Variants in ZBTB20 observed in about 807,000 individuals in gnomAD.
ZBTB20 encodes zinc finger and BTB domain containing 20.
A neutral mutation model predicts 56.9 loss-of-function variants in ZBTB20; 9 were observed. The ratio of observed to expected loss-of-function variants is 0.16; its 90% CI spans 0.10 to 0.28. The LOEUF (loss-of-function observed/expected upper bound fraction) is 0.28. ZBTB20 is among the 10% of genes least tolerant of loss of function. ZBTB20 has a pLI of 1.00. For synonymous variants in ZBTB20, 417 were observed against 420.7 expected (o/e 0.99, Z 0.11); for missense variants, 655 against 1,003.0 (o/e 0.65, Z 4.69).
chr3:114,953,560 T>C (rs2077146318), intron 3 of ZBTB20, among the ~76,000 whole-genome samples: 1 of 152,044 alleles, frequency 6.6e-6, no homozygotes, highest in African/African-American at 2.4e-5. Flanking sequence ...CTGGAATGGC[T>C]ATATTAATAT....
chr3:114,469,226 G>A (rs1411813433), intron 7 of ZBTB20, among the ~76,000 whole-genome samples: 2 of 152,098 alleles, frequency 1.3e-5, no homozygotes, highest in Admixed American at 6.6e-5. Flanking sequence ...TTTCTAGGTA[G>A]AGAGTTAAGC....
chr3:114,405,634 T>A (rs1455937217), intron 7 of ZBTB20, among the ~76,000 whole-genome samples: 1 of 152,182 alleles, frequency 6.6e-6, no homozygotes, highest in East Asian at 1.9e-4. Flanking sequence ...GCAACCTCAC[T>A]CATGGTATTC....
chr3:114,726,091 G>A (rs778590502), intron 5 of ZBTB20, among the ~76,000 whole-genome samples: 32 of 152,290 alleles, frequency 2.1e-4, no homozygotes, highest in Non-Finnish European at 4.1e-4. Flanking sequence ...AATGGTACAG[G>A]CACTGAGAGT....
chr3:114,697,436 G>A (rs1157425440), intron 5 of ZBTB20, among the ~76,000 whole-genome samples: 1 of 151,934 alleles, frequency 6.6e-6, no homozygotes, highest in African/African-American at 2.4e-5. Context: ...ACATTTTGCT[G>A]CAGCCTAGGG....
intron 7 of ZBTB20, among the ~76,000 whole-genome samples, chr3:114,397,116 C>T (rs1469993782): frequency 1.3e-5 from 2 of 152,158 alleles, no homozygotes. Context: ...CCTTTTCTAA[C>T]TTTCTATGTG....
intron 6 of ZBTB20, among the ~76,000 whole-genome samples, chr3:114,686,397 T>C (rs1308353062): frequency 1.3e-5 from 2 of 152,212 alleles, no homozygotes; most frequent in African/African-American, 2.4e-5. Flanking sequence ...AGGAGGATAG[T>C]ATGAGAGATG....
intron 4 of ZBTB20, among the ~76,000 whole-genome samples, chr3:114,849,981 C>T (rs1370482940): frequency 1.4e-5 from 2 of 144,846 alleles, no homozygotes; most frequent in Non-Finnish European, 3.0e-5. Context: ...CTCACTGCAA[C>T]CTCCACCTCC....
chr3:114,779,074 C>T (rs1329498304), intron 5 of ZBTB20, among the ~76,000 whole-genome samples: 2 of 152,108 alleles, frequency 1.3e-5, no homozygotes, highest in Admixed American at 1.3e-4. Flanking sequence ...GGACTCAAGG[C>T]AGTTCAAATC....
chr3:114,748,162 C>A (rs2067208168), intron 5 of ZBTB20, among the ~76,000 whole-genome samples: 1 of 151,916 alleles, frequency 6.6e-6, no homozygotes, highest in Non-Finnish European at 1.5e-5. Context: ...GAGATACTGC[C>A]CAGGAAAAGT....
chr3:114,422,483 T>C (rs1437561659), intron 7 of ZBTB20, among the ~76,000 whole-genome samples: 3 of 152,160 alleles, frequency 2.0e-5, no homozygotes, highest in East Asian at 1.9e-4. Context: ...GCTGATAAGA[T>C]TGTAAGAGCA....
intron 6 of ZBTB20, among the ~76,000 whole-genome samples, chr3:114,608,412 T>C (rs1577926786): frequency 1.3e-5 from 2 of 152,200 alleles, no homozygotes; most frequent in Non-Finnish European, 2.9e-5. Context: ...TCTAGGTTTA[T>C]GGTAGACTCA....
intron 7 of ZBTB20, among the ~76,000 whole-genome samples, chr3:114,498,713 G>C (rs1272232371): frequency 6.6e-6 from 1 of 152,174 alleles, no homozygotes; most frequent in African/African-American, 2.4e-5. Context: ...TTAAAAAATA[G>C]GATATCTCTA....
chr3:115,010,086 A>T (rs2079635928), intron 2 of ZBTB20, among the ~76,000 whole-genome samples: 1 of 151,948 alleles, frequency 6.6e-6, no homozygotes, highest in Admixed American at 6.6e-5. Context: ...CAAAACAATG[A>T]GCATTGACCT....
intron 6 of ZBTB20, among the ~76,000 whole-genome samples, chr3:114,620,013 G>T (rs1354248685): frequency 6.6e-6 from 1 of 152,190 alleles, no homozygotes; most frequent in Admixed American, 6.5e-5. Flanking sequence ...TGGTTAATAT[G>T]ATGCATTATA....
intron 2 of ZBTB20, among the ~76,000 whole-genome samples, chr3:115,062,008 G>A (rs185096629): frequency 3.2e-4 from 48 of 152,100 alleles, no homozygotes; most frequent in Admixed American, 2.7e-3. Flanking sequence ...TACATTAATT[G>A]AACATAAAGT....
At chr3:114,571,770 C>A (rs138522148) in intron 6 of ZBTB20, among the ~76,000 whole-genome samples, 238 of 152,270 alleles carry the variant, frequency 1.6e-3, no homozygotes, top group African/African-American at 5.5e-3. Flanking sequence ...CACTCCAGAG[C>A]AAACCAACAG....
chr3:114,633,468 G>A (rs2059079258), intron 6 of ZBTB20, among the ~76,000 whole-genome samples: 2 of 152,108 alleles, frequency 1.3e-5, no homozygotes, highest in African/African-American at 2.4e-5. Context: ...TGTTTGGATA[G>A]GGAATAAGAA....
chr3:114,808,146 G>A (rs552306361), intron 4 of ZBTB20, among the ~76,000 whole-genome samples: 15 of 152,036 alleles, frequency 9.9e-5, no homozygotes, highest in South Asian at 2.1e-4. Flanking sequence ...TTTTTATTAC[G>A]AGTCTGTTCA....
intron 4 of ZBTB20, among the ~76,000 whole-genome samples, chr3:114,872,406 T>C (rs556373862): frequency 6.6e-6 from 1 of 152,260 alleles, no homozygotes; most frequent in South Asian, 2.1e-4. Context: ...ACCAAGATTA[T>C]GTTACATATG....
Sources: gnomAD v4.1 joint callset for allele counts (sites outside exome capture counted in the v4.1 genomes callset) on GRCh38, gnomAD v4.1.1 for gene constraint, MANE v1.5 for transcripts, NCBI Gene and HGNC (gene_info 2026-07-23, HGNC 2026-07-21) for gene names.